Variants in CBFA2T2 observed in about 807,000 individuals in gnomAD.
The protein encoded by CBFA2T2 is CBFA2/RUNX1 partner transcriptional co-repressor 2.
CBFA2T2 carries 11 observed loss-of-function variants against 62.2 expected under a neutral mutation model. That is an observed-to-expected ratio of 0.18 (90% confidence interval 0.11 to 0.29). CBFA2T2 has a LOEUF of 0.29. Among genes scored for constraint, CBFA2T2 ranks in the 10% least tolerant of loss-of-function variants. The pLI, the probability that CBFA2T2 is intolerant of heterozygous loss-of-function variation, is 1.00. For synonymous variants in CBFA2T2, 295 were observed against 287.5 expected (o/e 1.03, Z -0.27); for missense variants, 592 against 774.1 (o/e 0.76, Z 2.79).
intron 1 of CBFA2T2, among the ~76,000 whole-genome samples, chr20:33,495,958 G>A (rs1223554067): frequency 6.6e-6 from 1 of 152,114 alleles, no homozygotes; most frequent in African/African-American, 2.4e-5. Flanking sequence ...TTCTGTTCTG[G>A]TGGTTGTTAG....
intron 3 of CBFA2T2, among the ~76,000 whole-genome samples, chr20:33,613,706 C>T: frequency 6.6e-6 from 1 of 152,116 alleles, no homozygotes; most frequent in Non-Finnish European, 1.5e-5. Context: ...CCACCCTTAT[C>T]GGTTAGGGAG....
intron 1 of CBFA2T2, among the ~76,000 whole-genome samples, chr20:33,558,280 C>T (rs763518974): frequency 1.3e-5 from 2 of 151,558 alleles, no homozygotes; most frequent in Admixed American, 6.6e-5. Flanking sequence ...TACAGGAGTG[C>T]GCCATCTTGC....
chr20:33,536,628 G>T (rs1215740690), intron 1 of CBFA2T2, among the ~76,000 whole-genome samples: 67 of 151,258 alleles, frequency 4.4e-4, no homozygotes, highest in Admixed American at 1.4e-3. Context: ...CGGGGCGGTT[G>T]CCAGGCGGAG....
chr20:33,609,161 T>C (rs994864180), intron 2 of CBFA2T2, among the ~76,000 whole-genome samples: 2 of 151,874 alleles, frequency 1.3e-5, no homozygotes, highest in African/African-American at 4.9e-5. Context: ...TTGTGTATTG[T>C]ATTATTAATA....
intron 1 of CBFA2T2, among the ~76,000 whole-genome samples, chr20:33,563,107 G>C (rs984337808): frequency 6.6e-6 from 1 of 152,102 alleles, no homozygotes; most frequent in Admixed American, 6.5e-5. Context: ...AGTATATGCA[G>C]GCAAATTATA....
intron 1 of CBFA2T2, among the ~76,000 whole-genome samples, chr20:33,583,606 A>G (rs1324105104): frequency 6.6e-6 from 1 of 152,198 alleles, no homozygotes; most frequent in African/African-American, 2.4e-5. Flanking sequence ...TTGAAAATGA[A>G]TTATTTGTTG....
chr20:33,626,685 GT>G (rs2016243990), intron 6 of CBFA2T2, among the ~76,000 whole-genome samples: 1 of 152,204 alleles, frequency 6.6e-6, no homozygotes, highest in Non-Finnish European at 1.5e-5. Context: ...ACCTTGTTGA[GT>G]AAAAAACTGC....
chr20:33,623,154 G>A lies in CBFA2T2; in HGVS notation c.550G>A (p.Ala184Thr), dbSNP rs751286663. The change falls in exon 5 of 11, where the codon GCT becomes ACT. Residue 184 changes from alanine to threonine, a missense_variant. Ala to Thr is a moderately conservative substitution (Grantham distance 58). Coordinates refer to ENST00000342704, the MANE Select transcript of CBFA2T2 (RefSeq NM_001032999.3). ...GCTGCAGCGGGAACTGCTGCACTGC[G>A]CTCGGGCGGCCAAGCAGACCCCATC... ...PLLQRELLHC[A>T]RAAKQTPSQY... The A allele has an allele frequency of 1.1e-5, 17 of 1,614,110 alleles. No individual in the cohort carries two copies. The highest frequency in any genetic ancestry group is 4.0e-5 in the African/African-American group (3 of 74,942).
At chr20:33,505,100 G>A (rs896597909) in intron 1 of CBFA2T2, among the ~76,000 whole-genome samples, 2 of 152,142 alleles carry the variant, frequency 1.3e-5, no homozygotes, top group Non-Finnish European at 2.9e-5. Context: ...CTTGTATAAG[G>A]AGATTGGTTC....
intron 1 of CBFA2T2, among the ~76,000 whole-genome samples, chr20:33,591,191 T>TAAAAAAAAAAAAAAAAA (rs1382626328): frequency 1.5e-5 from 1 of 66,074 alleles, no homozygotes; most frequent in Non-Finnish European, 2.7e-5. Context: ...AAAAAAAAAG[T>TAAAAAAAAAAAAAAAAA]ACTGATGAAT....
At chr20:33,538,913 A>T (rs1443585686) in intron 1 of CBFA2T2, among the ~76,000 whole-genome samples, 2 of 151,888 alleles carry the variant, frequency 1.3e-5, no homozygotes, top group Non-Finnish European at 2.9e-5. Flanking sequence ...TTGTCTTCAG[A>T]AAACACTGGT....
At chr20:33,492,451 A>ACAC (rs2011154232) in intron 1 of CBFA2T2, among the ~76,000 whole-genome samples, 1 of 146,066 alleles carries the variant, frequency 6.8e-6, no homozygotes, top group South Asian at 2.1e-4. Flanking sequence ...TCTTTTGTGT[A>ACAC]GTATTTAGTT....
At chr20:33,520,070 G>A (rs1384859378) in intron 1 of CBFA2T2, among the ~76,000 whole-genome samples, 1 of 152,090 alleles carries the variant, frequency 6.6e-6, no homozygotes, top group East Asian at 1.9e-4. Context: ...GCTTGAACCT[G>A]GGAGGCAGAG....
At chr20:33,523,561 C>A (rs936601369) in intron 1 of CBFA2T2, among the ~76,000 whole-genome samples, 1 of 152,118 alleles carries the variant, frequency 6.6e-6, no homozygotes, top group East Asian at 1.9e-4. Context: ...GTCTAGTGAT[C>A]CAATAAGCAA....
In CBFA2T2 at chr20:33,536,339, G is replaced by A. The variant is rs1420101633; in HGVS notation, c.34+46038G>A. ...TCCCTCCCAGACGGGGCGGCTGGCC[G>A]GGCAGAGGGGCTCCTCACTTCCCAG... is the stretch of plus-strand genomic sequence containing the variant. On this transcript the variant is annotated intron_variant, in intron 1 of 10. Transcript: ENST00000342704. 2.3e-4 allele frequency among the ~76,000 whole-genome samples: 33 copies of A among 145,760 alleles called. No individual in the cohort carries two copies. The South Asian group carries it at 4.6e-3, about 20-fold the overall frequency.
At chr20:33,590,991 A>G (rs1055659990) in intron 1 of CBFA2T2, among the ~76,000 whole-genome samples, 1 of 151,936 alleles carries the variant, frequency 6.6e-6, no homozygotes, top group Admixed American at 6.6e-5. Context: ...CCTGGCCAAC[A>G]TGGTGAAACC....
intron 1 of CBFA2T2, among the ~76,000 whole-genome samples, chr20:33,531,145 C>T (rs1482888163): frequency 3.9e-5 from 6 of 152,122 alleles, no homozygotes; most frequent in Admixed American, 3.9e-4. Flanking sequence ...GAATTGAGAG[C>T]AAGGGTTTAA....
At chr20:33,603,462 T>C (rs1395962500) in intron 1 of CBFA2T2, among the ~76,000 whole-genome samples, 1 of 152,242 alleles carries the variant, frequency 6.6e-6, no homozygotes, top group Non-Finnish European at 1.5e-5. Flanking sequence ...GGTTTTATTT[T>C]TTAATATATA....
At chr20:33,601,479 G>A (rs2015131004) in intron 1 of CBFA2T2, among the ~76,000 whole-genome samples, 1 of 151,606 alleles carries the variant, frequency 6.6e-6, no homozygotes, top group Non-Finnish European at 1.5e-5. Context: ...TGGCCAGGCT[G>A]ATCTTGAACT....
Sources: allele counts gnomAD v4.1 joint callset (sites outside exome capture counted in the v4.1 genomes callset), GRCh38; gene constraint gnomAD v4.1.1; transcripts MANE v1.5; gene names NCBI Gene and HGNC (gene_info 2026-07-23, HGNC 2026-07-21).